Variants in RNF135 observed in about 807,000 individuals in gnomAD.
RNF135 encodes ring finger protein 135.
RNF135 carries 46 observed loss-of-function variants against 41.9 expected under a neutral mutation model. The observed-to-expected ratio is 1.10, with a 90% confidence interval of 0.87 to 1.40. RNF135 has a LOEUF of 1.40. Ranked by LOEUF, RNF135 falls within the 40% of genes most tolerant of loss-of-function variation. The pLI, the probability that RNF135 is intolerant of heterozygous loss-of-function variation, is 0.00. For synonymous variants in RNF135, 238 were observed against 223.8 expected (o/e 1.06, Z -0.57); for missense variants, 539 against 549.8 (o/e 0.98, Z 0.20).
At chr17:30,975,774 A>G in intron 1 of RNF135, 1 of 1,120,030 alleles carries the variant, frequency 8.9e-7, no homozygotes, top group Non-Finnish European at 1.4e-6. Flanking sequence ...CCCTCTTTCC[A>G]GCTCATCCTG....
chr17:30,998,525 G>T, intron 4 of RNF135, 137 bp from the exon 5 acceptor site: 5 of 825,356 alleles, frequency 6.1e-6, no homozygotes, highest in Non-Finnish European at 2.0e-6. Context: ...TTCCTGTTGG[G>T]TGATGTAGCA....
At chr17:30,990,320 C>T (rs528287828) in intron 3 of RNF135, among the ~76,000 whole-genome samples, 2 of 152,108 alleles carry the variant, frequency 1.3e-5, no homozygotes, top group East Asian at 3.9e-4. Flanking sequence ...GTCAGGAGTT[C>T]GAGAGCAGCC....
upstream of RNF135, among the ~76,000 whole-genome samples, chr17:30,967,623 A>T (rs1905603307): frequency 6.6e-6 from 1 of 152,186 alleles, no homozygotes; most frequent in Admixed American, 6.5e-5. Context: ...CATGCATGAA[A>T]TATATTGCTT....
At position 30,975,776 on chromosome 17, in the gene RNF135, C is replaced by G. The variant is rs562295769; in HGVS notation, c.372+4331C>G. ...GGGTCATCGGGTACCCTCTTTCCAG[C>G]TCATCCTGTACCCCAACATCAAGGT... On this transcript the variant is annotated intron_variant, in intron 1 of 4. Coordinates refer to ENST00000328381, the MANE Select transcript of RNF135 (RefSeq NM_032322.4). 3 of 1,111,010 alleles carry G rather than the reference C, an allele frequency of 2.7e-6. No homozygotes were observed. The African/African-American group carries it at 4.6e-5, about 17-fold the overall frequency. The allele number at this position is 1,111,010 out of a possible 1,614,324, so 68.8% of individuals were successfully genotyped here.
rs1332085074 is a variant in RNF135, at chr17:30,984,824, G to A, written c.516+64G>A. 2.7e-6 allele frequency: 4 copies of A among 1,501,788 alleles called. No homozygotes were observed. The Admixed American group carries it at 6.7e-5, about 25-fold the overall frequency. The allele number at this position is 1,501,788 out of a possible 1,614,324, so 93.0% of individuals were successfully genotyped here. A position where few individuals can be genotyped will look rare whatever the true frequency, so the allele number is the denominator to read the frequency against. ...TAGGGCTAGGGATTGCTTTCAACTG[G>A]AACAACATGAACATATTTGAACCTG... On this transcript the variant is annotated intron_variant, in intron 2 of 4. Coordinates refer to ENST00000328381, the MANE Select transcript of RNF135 (RefSeq NM_032322.4).
intron 3 of RNF135, among the ~76,000 whole-genome samples, chr17:30,995,652 C>A (rs555303511): frequency 8.3e-4 from 126 of 152,312 alleles, no homozygotes; most frequent in Middle Eastern, 6.8e-3. Flanking sequence ...ATTCTAGATA[C>A]CTCATGTGAG....
At chr17:30,983,392 C>T (rs1218740702) in intron 1 of RNF135, among the ~76,000 whole-genome samples, 3 of 119,300 alleles carry the variant, frequency 2.5e-5, no homozygotes, top group Admixed American at 1.0e-4. Flanking sequence ...CTGGCCCTGT[C>T]GCCCAGGCTT....
At chr17:30,988,769 T>A (rs1465914093) in intron 3 of RNF135, among the ~76,000 whole-genome samples, 3 of 147,178 alleles carry the variant, frequency 2.0e-5, no homozygotes, top group South Asian at 2.1e-4. Flanking sequence ...TTTTTTTTTT[T>A]AATAATTTTG....
chr17:30,986,771 T>C (rs770619850), intron 2 of RNF135, among the ~76,000 whole-genome samples: 1 of 152,210 alleles, frequency 6.6e-6, no homozygotes, highest in African/African-American at 2.4e-5. Flanking sequence ...TGCCACATCA[T>C]TGGTTTATTG....
chr17:30,970,689 T>G, upstream of RNF135: 1 of 257,510 alleles, frequency 3.9e-6, no homozygotes, highest in Non-Finnish European at 7.5e-6. Flanking sequence ...CTCCCAAGAG[T>G]TGTCGGTGTT....
chr17:30,988,648 A>G (rs974282209), intron 3 of RNF135, among the ~76,000 whole-genome samples: 2 of 151,380 alleles, frequency 1.3e-5, no homozygotes, highest in Non-Finnish European at 2.9e-5. Flanking sequence ...GGATGGTCTC[A>G]ATCTCCTGAC....
At chr17:30,985,814 C>T (rs1907536233) in intron 2 of RNF135, among the ~76,000 whole-genome samples, 1 of 152,150 alleles carries the variant, frequency 6.6e-6, no homozygotes, top group Admixed American at 6.5e-5. Flanking sequence ...TGTAGGATCC[C>T]ATCTCTGTCT....
At chr17:30,972,531 T>G (rs566898084) in intron 1 of RNF135, 1 of 152,262 alleles carries the variant, frequency 6.6e-6, no homozygotes, top group Non-Finnish European at 1.5e-5. Flanking sequence ...TTTGTACTCA[T>G]TAAGCAGTAA....
the RNF135 span, among the ~76,000 whole-genome samples, chr17:30,964,033 T>A: frequency 6.6e-6 from 1 of 152,164 alleles, no homozygotes; most frequent in Non-Finnish European, 1.5e-5. Flanking sequence ...GAAGTAAGAA[T>A]AATGGAAATT....
intron 3 of RNF135, among the ~76,000 whole-genome samples, chr17:30,992,696 G>A (rs896952908): frequency 6.6e-6 from 1 of 152,028 alleles, no homozygotes; most frequent in Non-Finnish European, 1.5e-5. Flanking sequence ...GGAACTCCTG[G>A]GCTCCAGCAA....
chr17:30,985,182 C>T (rs1464439752), intron 2 of RNF135, among the ~76,000 whole-genome samples: 1 of 152,210 alleles, frequency 6.6e-6, no homozygotes, highest in Non-Finnish European at 1.5e-5. Flanking sequence ...GGCTCTCTCT[C>T]CTCTGCTTAG....
intron 1 of RNF135, chr17:30,975,385 G>A: frequency 1.3e-6 from 1 of 759,492 alleles, no homozygotes; most frequent in South Asian, 1.4e-5. Flanking sequence ...TGGATTAGAA[G>A]ATGCCAGGCT....
upstream of RNF135, chr17:30,970,982 G>C: frequency 2.0e-6 from 3 of 1,501,562 alleles, no homozygotes; most frequent in South Asian, 3.7e-5. Context: ...GAGAAAAGGA[G>C]GAGGGCAAGG....
chr17:30,994,487 T>C (rs1454589344), intron 3 of RNF135, among the ~76,000 whole-genome samples: 1 of 151,934 alleles, frequency 6.6e-6, no homozygotes, highest in African/African-American at 2.4e-5. Flanking sequence ...GAAGCAGAAG[T>C]TGCAGTGAGC....
Sources: allele counts gnomAD v4.1 joint callset (sites outside exome capture counted in the v4.1 genomes callset), GRCh38; gene constraint gnomAD v4.1.1; transcripts MANE v1.5; gene names NCBI Gene and HGNC (gene_info 2026-07-23, HGNC 2026-07-21).